Variants in PPA2 observed in about 807,000 individuals in gnomAD.
PPA2 encodes inorganic pyrophosphatase 2.
In PPA2, 48 loss-of-function variants were observed where a neutral mutation model predicts 49.5. The observed-to-expected ratio is 0.97, with a 90% CI of 0.77 to 1.23. The LOEUF (loss-of-function observed/expected upper bound fraction) is 1.23, where lower values mean the gene tolerates loss of function less well. PPA2 is among the 50% of genes most tolerant of loss of function. The probability of loss-of-function intolerance (pLI) is 0.00; values close to 1 mark genes in which losing one functional copy is unlikely to be tolerated. For missense variants in PPA2, 429 were observed against 410.1 expected (o/e 1.05, Z -0.40); for synonymous variants, 131 against 139.9 (o/e 0.94, Z 0.45).
chr4:105,389,622 A>T lies in PPA2; in HGVS notation c.870-2986T>A, dbSNP rs578018955. Among the ~76,000 whole-genome samples the T allele has an allele frequency of 9.2e-5, 14 of 152,140 alleles. No individual in the cohort carries two copies. In the South Asian group the frequency reaches 2.9e-3, roughly 31 times the overall value. On this transcript the variant is annotated intron_variant, in intron 9 of 11. Transcript: ENST00000341695. ...AAAACCAAAAATGCTGTGTACAACA[A>T]GCCCAAATTACATATAAAAATAATA...
intron 10 of PPA2, 127 bp from the exon 11 acceptor site, chr4:105,371,000 G>A: frequency 4.7e-6 from 4 of 843,366 alleles, no homozygotes; most frequent in South Asian, 3.7e-5. Context: ...ACCTGAAAAA[G>A]GTAAATATTC....
chr4:105,469,940 A>G (rs1261759587), intron 1 of PPA2, among the ~76,000 whole-genome samples: 3 of 152,244 alleles, frequency 2.0e-5, no homozygotes, highest in African/African-American at 4.8e-5. Context: ...AATGACATAA[A>G]GAAAACCTAC....
At chr4:105,437,879 G>T in intron 6 of PPA2, 71 bp downstream of exon 6, 1 of 1,189,060 alleles carries the variant, frequency 8.4e-7, no homozygotes, top group Non-Finnish European at 1.2e-6. Flanking sequence ...AGAACTAGAG[G>T]CTAAAATGAA....
intron 4 of PPA2, among the ~76,000 whole-genome samples, chr4:105,447,784 A>G (rs1247924857): frequency 4.1e-5 from 6 of 147,302 alleles, no homozygotes; most frequent in Non-Finnish European, 5.9e-5. Flanking sequence ...CCCAGGCTGG[A>G]GTGCAGTGGT....
chr4:105,395,960 G>A (rs994614439), intron 9 of PPA2, among the ~76,000 whole-genome samples: 3 of 152,016 alleles, frequency 2.0e-5, no homozygotes, highest in Non-Finnish European at 2.9e-5. Flanking sequence ...TAAAGAAACC[G>A]CATAGATTTA....
chr4:105,378,870 A>G lies in PPA2; in HGVS notation c.939+7697T>C, dbSNP rs146665858. On this transcript the variant is annotated intron_variant, in intron 10 of 11. Coordinates refer to ENST00000341695, the MANE Select transcript of PPA2 (RefSeq NM_176869.3). ...TGTCTAGATTTGGTTACACTAATCTATCTTTATGCCATTACTATATTCTCT... is the reference window on the plus strand; with the variant it reads ...TGTCTAGATTTGGTTACACTAATCTGTCTTTATGCCATTACTATATTCTCT... 1.8e-3 allele frequency among the ~76,000 whole-genome samples: 270 copies of G among 152,278 alleles called. 2 individuals are homozygous for G. The highest frequency in any genetic ancestry group is 0.013 in the South Asian group (63 of 4,830).
chr4:105,398,532 T>G (rs1734234418), intron 8 of PPA2: 1 of 152,252 alleles, frequency 6.6e-6, no homozygotes, highest in Non-Finnish European at 1.5e-5. Context: ...TGGTCTATTC[T>G]CTCCATCTGT....
intron 7 of PPA2, among the ~76,000 whole-genome samples, chr4:105,410,139 C>G (rs1041529919): frequency 6.6e-6 from 1 of 152,168 alleles, no homozygotes; most frequent in African/African-American, 2.4e-5. Flanking sequence ...CATGTTCTAA[C>G]CCATCGCAAA....
chr4:105,464,328 T>G (rs996167482), intron 1 of PPA2, among the ~76,000 whole-genome samples: 3 of 152,228 alleles, frequency 2.0e-5, no homozygotes, highest in African/African-American at 4.8e-5. Context: ...TTGGAATGTT[T>G]TATTTACCCA....
Position 105,424,150 on chromosome 4 carries a change from A to G in PPA2, c.655+46T>C, listed in dbSNP as rs185441737. 272 of 1,578,882 alleles carry G rather than the reference A, an allele frequency of 1.7e-4. 1 individual carries two copies. Among genetic ancestry groups the G allele is most frequent in the Non-Finnish European group, 2.2e-4 (252 of 1,169,172 alleles). On this transcript the variant is annotated intron_variant, in intron 7 of 11. Transcript: ENST00000341695. ...CTTCTTTTAAGTTCTCAGAATTCCA[A>G]TGACACACTAATTTGCTTTCACTTT...
In PPA2 at chr4:105,456,014, C is replaced by T. The variant is rs558319249; in HGVS notation, c.222+667G>A. 4.4e-5 allele frequency: 13 copies of T among 293,854 alleles called. No individual in the cohort carries two copies. In the South Asian group the frequency reaches 5.2e-4, roughly 12 times the overall value. 18.2% of individuals were successfully genotyped at this position (293,854 alleles called of 1,614,324 possible). A position where few individuals can be genotyped will look rare whatever the true frequency, so the allele number is the denominator to read the frequency against. ...ACTACCAAATATGCCATATTACCAACTAATCATGAGAGATCTCGAAACACC... is the reference window on the plus strand; with the variant it reads ...ACTACCAAATATGCCATATTACCAATTAATCATGAGAGATCTCGAAACACC... On this transcript the variant is annotated intron_variant, in intron 2 of 11. Coordinates refer to ENST00000341695, the MANE Select transcript of PPA2 (RefSeq NM_176869.3).
Position 105,472,571 on chromosome 4 carries a change from C to A in PPA2, c.157+1323G>T, listed in dbSNP as rs187447403. Among the ~76,000 whole-genome samples, 3 of 152,230 alleles carry A rather than the reference C, an allele frequency of 2.0e-5. No individual in the cohort carries two copies. The East Asian group carries it at 5.8e-4, about 29-fold the overall frequency. The stretch of plus-strand genomic sequence containing the variant: ...ATTCCCATTAATCATCACATGGTAA[C>A]CTTTTAGAACATAATCCATTCAGAA... On this transcript the variant is annotated intron_variant, in intron 1 of 11. Transcript: ENST00000341695.
At chr4:105,428,479 G>A (rs1723632419) in intron 6 of PPA2, among the ~76,000 whole-genome samples, 1 of 151,842 alleles carries the variant, frequency 6.6e-6, no homozygotes. Flanking sequence ...GACACAGATA[G>A]GCTTAAAATA....
At chr4:105,393,746 T>G (rs920409131) in intron 9 of PPA2, among the ~76,000 whole-genome samples, 1 of 151,802 alleles carries the variant, frequency 6.6e-6, no homozygotes, top group Admixed American at 6.6e-5. Flanking sequence ...TAAACTGAAC[T>G]GAGTGAGAAA....
chr4:105,452,675 G>C (rs1372353285), intron 3 of PPA2, among the ~76,000 whole-genome samples: 4 of 152,142 alleles, frequency 2.6e-5, no homozygotes, highest in Non-Finnish European at 5.9e-5. Context: ...AGTTGGGGTA[G>C]AGAATAAATG....
chr4:105,374,877 A>C (rs543675404), intron 10 of PPA2, among the ~76,000 whole-genome samples: 1 of 141,250 alleles, frequency 7.1e-6, no homozygotes, highest in African/African-American at 2.6e-5. Context: ...TTTTTTTTAG[A>C]GACGGGGTTT....
chr4:105,409,307 A>G (rs1038516597), intron 7 of PPA2, among the ~76,000 whole-genome samples: 3 of 152,226 alleles, frequency 2.0e-5, no homozygotes, highest in Non-Finnish European at 2.9e-5. Flanking sequence ...CTAGCGCAGC[A>G]GTCTAAGATC....
intron 10 of PPA2, among the ~76,000 whole-genome samples, chr4:105,383,423 C>T (rs1365186455): frequency 6.6e-6 from 1 of 152,126 alleles, no homozygotes; most frequent in African/African-American, 2.4e-5. Context: ...CTGATTTGTA[C>T]ATATTGTTGG....
intron 10 of PPA2, among the ~76,000 whole-genome samples, chr4:105,374,658 C>T (rs1026888845): frequency 4.6e-5 from 7 of 152,070 alleles, no homozygotes; most frequent in Admixed American, 3.9e-4. Context: ...TACATTTGTC[C>T]AAATGAACAA....
Sources: allele counts gnomAD v4.1 joint callset (sites outside exome capture counted in the v4.1 genomes callset), GRCh38; gene constraint gnomAD v4.1.1; transcripts MANE v1.5; gene names NCBI Gene and HGNC (gene_info 2026-07-23, HGNC 2026-07-21).